Variants in RBM33 observed in about 807,000 individuals in gnomAD.
The protein encoded by RBM33 is RNA binding motif protein 33, also known as RNA-binding protein 33.
Under a neutral mutation model 132.6 loss-of-function variants are expected in RBM33, and 28 were observed. That is an observed-to-expected ratio of 0.21 (90% CI 0.16 to 0.29). The LOEUF (loss-of-function observed/expected upper bound fraction) is 0.29, where lower values mean the gene tolerates loss of function less well. Ranked by LOEUF, RBM33 falls within the 10% of genes least tolerant of loss-of-function variation. The pLI is 1.00. For synonymous variants in RBM33, 634 were observed against 593.0 expected (o/e 1.07, Z -1.01); for missense variants, 1,291 against 1,518.5 (o/e 0.85, Z 2.49).
intron 14 of RBM33, among the ~76,000 whole-genome samples, chr7:155,754,998 A>T (rs1263603281): frequency 6.6e-6 from 1 of 152,244 alleles, no homozygotes; most frequent in Non-Finnish European, 1.5e-5. Flanking sequence ...CTGTTTATTA[A>T]TATTTTCTTT....
intron 5 of RBM33, among the ~76,000 whole-genome samples, chr7:155,695,013 C>T (rs924994951): frequency 3.9e-5 from 6 of 152,166 alleles, no homozygotes; most frequent in African/African-American, 1.4e-4. Flanking sequence ...GGCACTCCCA[C>T]CGGTACTGTG....
At chr7:155,697,329 C>T (rs1034315706) in intron 5 of RBM33, among the ~76,000 whole-genome samples, 4 of 152,034 alleles carry the variant, frequency 2.6e-5, no homozygotes, top group African/African-American at 9.7e-5. Flanking sequence ...GGTGAGATTC[C>T]GTGTACTTTT....
chr7:155,762,290 G>A (rs2117065354), intron 14 of RBM33, among the ~76,000 whole-genome samples: 2 of 152,344 alleles, frequency 1.3e-5, no homozygotes, highest in South Asian at 2.1e-4. Context: ...GGGCTTCCCT[G>A]TGCCTTTCCC....
At chr7:155,669,181 G>C (rs796500361) in intron 2 of RBM33, among the ~76,000 whole-genome samples, 18 of 152,282 alleles carry the variant, frequency 1.2e-4, no homozygotes, top group African/African-American at 4.1e-4. Context: ...AAGGTGAGAA[G>C]AGTGGGTCAG....
chr7:155,696,568 CTATTT>C, intron 5 of RBM33, among the ~76,000 whole-genome samples: 1 of 152,114 alleles, frequency 6.6e-6, no homozygotes, highest in East Asian at 1.9e-4. Context: ...AAGGTCTTTT[CTATTT>C]TGAGTTTGCT....
intron 3 of RBM33, among the ~76,000 whole-genome samples, chr7:155,676,192 C>T (rs1799180562): frequency 6.6e-6 from 1 of 152,148 alleles, no homozygotes; most frequent in Non-Finnish European, 1.5e-5. Flanking sequence ...GCACACGGGT[C>T]AGACTGTCAG....
At chr7:155,691,420 C>T (rs1384085648) in intron 5 of RBM33, among the ~76,000 whole-genome samples, 1 of 152,152 alleles carries the variant, frequency 6.6e-6, no homozygotes, top group Non-Finnish European at 1.5e-5. Flanking sequence ...CGAACTTCCT[C>T]ATTTAGCTTG....
chr7:155,724,993 TGTG>T (rs1563162062), intron 9 of RBM33, among the ~76,000 whole-genome samples: 2,083 of 94,934 alleles, frequency 0.022, 72 homozygotes, highest in African/African-American at 0.076. Context: ...TACAGGTTTG[TGTG>T]TGTGTGTGTG....
At position 155,718,387 on chromosome 7, in the gene RBM33, C is replaced by T. The variant is rs1039294574; in HGVS notation, c.1204C>T (p.Pro402Ser). 1 of 1,613,536 alleles carries T rather than the reference C, an allele frequency of 6.2e-7. No individual in the cohort carries two copies. Among genetic ancestry groups the T allele is most frequent in the Non-Finnish European group, 8.5e-7 (1 of 1,179,740 alleles). ...AACACAAGGGGTTTTTCTTGCAGTG[C>T]CCTTGCTACCAGTTCCGAGCCAGCC... ...KGTVVTPVQV[P>S]LLPVPSQPRP... Residue 402 changes from proline (P) to serine (S), a missense_variant and splice_region_variant, in exon 9 of 18, where the codon CCC (proline) becomes TCC (serine). Pro to Ser is a moderately conservative substitution (Grantham distance 74, BLOSUM62 -1). Transcript: ENST00000401878.
At chr7:155,678,352 T>G (rs1261421310) in intron 3 of RBM33, among the ~76,000 whole-genome samples, 7 of 152,246 alleles carry the variant, frequency 4.6e-5, no homozygotes, top group Non-Finnish European at 1.0e-4. Flanking sequence ...CTTTTCTCTT[T>G]TGTGTGAGAA....
At chr7:155,744,069 C>G (rs1268612399) in intron 13 of RBM33, among the ~76,000 whole-genome samples, 1 of 152,190 alleles carries the variant, frequency 6.6e-6, no homozygotes. Context: ...ACTCAAGCTC[C>G]AGGGCACCAG....
chr7:155,654,835 T>G (rs1798448983), intron 1 of RBM33, among the ~76,000 whole-genome samples: 1 of 152,192 alleles, frequency 6.6e-6, no homozygotes, highest in Non-Finnish European at 1.5e-5. Flanking sequence ...TATATTGTCC[T>G]CTTTTAATAA....
In RBM33 at chr7:155,745,823, G is replaced by A. The variant is rs1801498832; in HGVS notation, c.2979+221G>A. ...GGCGATTTTGTCATTGTCTGAACGT[G>A]CTAGAATGTACTTCCATACACAGAC... On this transcript the variant is annotated intron_variant, in intron 14 of 17. Transcript: ENST00000401878. This position sits in a 1 kb window ranked among gnomAD's most constrained non-coding sequence, Gnocchi z 4.1. 4.2e-5 allele frequency: 24 copies of A among 567,496 alleles called. No individual in the cohort carries two copies. 35.2% of individuals were successfully genotyped at this position (567,496 alleles called of 1,614,324 possible). A position where few individuals can be genotyped will look rare whatever the true frequency, so the allele number is the denominator to read the frequency against.
At chr7:155,658,254 ATAT>A (rs1163728928) in intron 1 of RBM33, among the ~76,000 whole-genome samples, 1 of 152,060 alleles carries the variant, frequency 6.6e-6, no homozygotes, top group African/African-American at 2.4e-5. Flanking sequence ...ATTTTATCTG[ATAT>A]TAGTGTAACT....
Position 155,775,172 on chromosome 7 carries a change from G to C in RBM33, c.*131G>C. On this transcript the variant is annotated 3_prime_UTR_variant, in exon 18 of 18. Coordinates refer to ENST00000401878, the MANE Select transcript of RBM33 (RefSeq NM_053043.3). ...CGCTGTCCTGCGTAACTGTTCTCCA[G>C]AGCGCCAGCCAGCCACGGGCCTGAT... is the stretch of plus-strand genomic sequence containing the variant. The C allele has an allele frequency of 1.2e-6, 1 of 827,362 alleles. No individual in the cohort carries two copies. The highest frequency in any genetic ancestry group is 2.1e-6 in the Non-Finnish European group (1 of 481,780). The allele number at this position is 827,362 out of a possible 1,614,324, so 51.3% of individuals were successfully genotyped here. A position where few individuals can be genotyped will look rare whatever the true frequency, so the allele number is the denominator to read the frequency against.
chr7:155,700,802 G>C lies in RBM33; in HGVS notation c.597G>C (p.Lys199Asn). Reference sequence around the variant, plus strand: ...GTATGGAAACATTGGAACTTCAAAAGGACATCAAAGAAGAATCAGATGAAG... The same window carrying C: ...GTATGGAAACATTGGAACTTCAAAACGACATCAAAGAAGAATCAGATGAAG... ...TGGMETLELQ[K>N]DIKEESDEEE... is the part of the protein sequence containing the mutation. The change falls in exon 6 of 18, where the codon AAG becomes AAC. Residue 199 changes from lysine to asparagine, a missense_variant. This residue lies in a region of RBM33 where 194 missense variants were observed against 249.8 expected (regional missense o/e 0.78). Transcript: ENST00000401878. 6.3e-7 allele frequency: 1 copy of C among 1,578,256 alleles called. No homozygotes were observed. Among genetic ancestry groups the C allele is most frequent in the Non-Finnish European group, 8.6e-7 (1 of 1,161,178 alleles).
In RBM33 at chr7:155,780,862, CTT is replaced by C. The variant is rs1224422077; in HGVS notation, c.*5825_*5826del. The C allele has an allele frequency of 6.5e-6, 1 of 152,726 alleles. No homozygotes were observed. The highest frequency in any genetic ancestry group is 1.5e-5 in the Non-Finnish European group (1 of 68,080). 9.5% of individuals were successfully genotyped at this position (152,726 alleles called of 1,614,324 possible). A position where few individuals can be genotyped will look rare whatever the true frequency, so the allele number is the denominator to read the frequency against. On this transcript the variant is annotated 3_prime_UTR_variant, in exon 18 of 18. Coordinates refer to ENST00000401878, the MANE Select transcript of RBM33 (RefSeq NM_053043.3). ...CCAGGTCTTTGATTGGAGAGAGTAA[CTT>C]TTTAATTCTGTTGTTTTGCAGTTTG... is the stretch of plus-strand genomic sequence containing the variant.
intron 1 of RBM33, among the ~76,000 whole-genome samples, chr7:155,660,700 C>T (rs531248333): frequency 5.9e-5 from 9 of 152,236 alleles, no homozygotes; most frequent in African/African-American, 1.4e-4. Flanking sequence ...ATTTTGACTA[C>T]GTTGTGTGTG....
rs529631668 is a variant in RBM33, at chr7:155,737,169, G to A, written c.1261-361G>A. ...AGTATTCAGTACAGTAACATGCTGC[G>A]CTGGTATGTAGCCTTGGAGCTACTA... On this transcript the variant is annotated intron_variant, in intron 9 of 17. Transcript: ENST00000401878. Among the ~76,000 whole-genome samples, 4 of 152,292 alleles carry A rather than the reference G, an allele frequency of 2.6e-5. No homozygotes were observed. In the South Asian group the frequency reaches 6.2e-4, roughly 24 times the overall value.
Sources: allele counts gnomAD v4.1 joint callset (sites outside exome capture counted in the v4.1 genomes callset), GRCh38; gene constraint gnomAD v4.1.1; regional missense constraint gnomAD v4.1.1; non-coding constraint Gnocchi (gnomAD v3.1); transcripts MANE v1.5; gene names NCBI Gene and HGNC (gene_info 2026-07-23, HGNC 2026-07-21).